LRRC8D: variants seen among roughly 807,000 people sequenced by gnomAD.
LRRC8D encodes the protein leucine rich repeat containing 8 VRAC subunit D.
Under a neutral mutation model 55.8 loss-of-function variants are expected in LRRC8D, and 20 were observed. The observed-to-expected ratio is 0.36, with a 90% confidence interval of 0.25 to 0.52. LRRC8D has a LOEUF of 0.52. LRRC8D is among the 20% of genes least tolerant of loss of function. The probability of loss-of-function intolerance (pLI) is 0.93; values close to 1 mark genes in which losing one functional copy is unlikely to be tolerated. For synonymous variants in LRRC8D, 352 were observed against 377.0 expected, an observed-to-expected ratio of 0.93 and a Z score of 0.77; for missense variants, 651 against 1,030.8, an observed-to-expected ratio of 0.63 and a Z score of 5.05.
chr1:89,841,396 A>AC (rs56089566), intron 1 of LRRC8D, among the ~76,000 whole-genome samples: 87,781 of 144,314 alleles, frequency 0.61, 26,727 homozygotes, highest in East Asian at 0.81. Context: ...TGTCAAGACC[A>AC]CCCCCCCCCT....
At chr1:89,828,794 ATAGT>A (rs1660820851) in intron 1 of LRRC8D, among the ~76,000 whole-genome samples, 1 of 151,856 alleles carries the variant, frequency 6.6e-6, no homozygotes, top group Admixed American at 6.6e-5. Context: ...CTTGCTGGTA[ATAGT>A]TAGGAACATT....
intron 2 of LRRC8D, among the ~76,000 whole-genome samples, chr1:89,896,076 T>A (rs1662703066): frequency 1.3e-5 from 2 of 152,238 alleles, no homozygotes; most frequent in Non-Finnish European, 2.9e-5. Context: ...ATACATGAGT[T>A]TTAGGTTTCC....
At chr1:89,862,418 A>G (rs933425451) in intron 2 of LRRC8D, among the ~76,000 whole-genome samples, 1 of 152,194 alleles carries the variant, frequency 6.6e-6, no homozygotes, top group African/African-American at 2.4e-5. Context: ...TGTTCTTCAT[A>G]AGAGATCCGT....
intron 2 of LRRC8D, among the ~76,000 whole-genome samples, chr1:89,869,231 T>C (rs1159421437): frequency 6.6e-6 from 1 of 152,108 alleles, no homozygotes; most frequent in Non-Finnish European, 1.5e-5. Flanking sequence ...TTGACTGAGA[T>C]TTTGTGATTG....
At position 89,880,114 on chromosome 1, in the gene LRRC8D, C is replaced by A. The variant is rs184605736; in HGVS notation, c.-3+36332C>A. 7.7e-4 allele frequency among the ~76,000 whole-genome samples: 117 copies of A among 151,012 alleles called. 1 individual carries two copies. Among genetic ancestry groups the A allele is most frequent in the African/African-American group, 2.7e-3 (109 of 41,076 alleles). ...GTCTCTACGACGTTTGGTACTGTTA[C>A]CCTCATATTACTGATTGGAAATTGG... On this transcript the variant is annotated intron_variant, in intron 2 of 2. Transcript: ENST00000337338.
chr1:89,935,689 A>T lies in LRRC8D; in HGVS notation c.*44A>T. 6.4e-7 allele frequency: 1 copy of T among 1,551,506 alleles called. No homozygotes were observed. Among genetic ancestry groups the T allele is most frequent in the Non-Finnish European group, 8.8e-7 (1 of 1,132,348 alleles). Reference sequence around the variant, plus strand: ...CAGTGATGTGCAGGAACAACTTCCTAGATTGCAAGTGCTCACGTACAAGTT... The same window carrying T: ...CAGTGATGTGCAGGAACAACTTCCTTGATTGCAAGTGCTCACGTACAAGTT... On this transcript the variant is annotated 3_prime_UTR_variant, in exon 3 of 3. Transcript: ENST00000337338.
chr1:89,865,214 G>A (rs1186824704), intron 2 of LRRC8D, among the ~76,000 whole-genome samples: 1 of 151,814 alleles, frequency 6.6e-6, no homozygotes, highest in Non-Finnish European at 1.5e-5. Flanking sequence ...ATTATTACTT[G>A]TAGTAGTGCT....
chr1:89,831,500 T>TG (rs1244775424), intron 1 of LRRC8D, among the ~76,000 whole-genome samples: 1 of 151,982 alleles, frequency 6.6e-6, no homozygotes, highest in African/African-American at 2.4e-5. Flanking sequence ...AAGAGCCACT[T>TG]GGAGTTGAGT....
At chr1:89,823,638 T>A (rs1195405050) in intron 1 of LRRC8D, among the ~76,000 whole-genome samples, 2 of 152,216 alleles carry the variant, frequency 1.3e-5, no homozygotes, top group African/African-American at 4.8e-5. Context: ...TGTTTGACAT[T>A]CTAAGAAACA....
chr1:89,865,057 C>G (rs1040244889), intron 2 of LRRC8D, among the ~76,000 whole-genome samples: 1 of 152,128 alleles, frequency 6.6e-6, no homozygotes, highest in Non-Finnish European at 1.5e-5. Context: ...CAACATTTCA[C>G]TTATTACATT....
chr1:89,847,181 C>T (rs1456241934), intron 2 of LRRC8D, among the ~76,000 whole-genome samples: 1 of 152,100 alleles, frequency 6.6e-6, no homozygotes, highest in African/African-American at 2.4e-5. Flanking sequence ...TAATGTTGCA[C>T]CATTAACTAA....
intron 2 of LRRC8D, among the ~76,000 whole-genome samples, chr1:89,898,832 G>A (rs1190965119): frequency 6.6e-6 from 1 of 152,196 alleles, no homozygotes; most frequent in East Asian, 1.9e-4. Context: ...TGTGCAGAAA[G>A]GGCTGGAAAA....
intron 2 of LRRC8D, among the ~76,000 whole-genome samples, chr1:89,919,186 A>G (rs1476364541): frequency 2.0e-5 from 3 of 152,168 alleles, no homozygotes; most frequent in Non-Finnish European, 2.9e-5. Context: ...CTACCTATCC[A>G]AGGATTAGAA....
chr1:89,900,510 A>T (rs1662823357), intron 2 of LRRC8D, among the ~76,000 whole-genome samples: 2 of 149,724 alleles, frequency 1.3e-5, no homozygotes, highest in Admixed American at 1.3e-4. Flanking sequence ...ATTTATGTCC[A>T]TCATAAAAAA....
Position 89,933,566 on chromosome 1 carries a change from A to G in LRRC8D, c.498A>G (p.Pro166=), listed in dbSNP as rs755426095. 3 of 1,614,180 alleles carry G rather than the reference A, an allele frequency of 1.9e-6. No individual in the cohort carries two copies. The highest frequency in any genetic ancestry group is 2.5e-6 in the Non-Finnish European group (3 of 1,180,020). ...LALPWYSKYF[P]YLALIHTIIL... Reference sequence around the variant, plus strand: ...TTCCGTGGTATTCTAAGTACTTTCCATACCTAGCTCTTATACATACTATTA... The same window carrying G: ...TTCCGTGGTATTCTAAGTACTTTCCGTACCTAGCTCTTATACATACTATTA... The change falls in exon 3 of 3, where the codon CCA becomes CCG. Residue 166 remains proline, a synonymous_variant. Coordinates refer to ENST00000337338, the MANE Select transcript of LRRC8D (RefSeq NM_001134479.2). The surrounding 1 kb of genome is among the most constrained non-coding windows in gnomAD (Gnocchi z 7.0).
At chr1:89,903,438 AAAATT>A in intron 2 of LRRC8D, among the ~76,000 whole-genome samples, 1 of 152,310 alleles carries the variant, frequency 6.6e-6, no homozygotes, top group East Asian at 1.9e-4. Context: ...GTATGTGATC[AAAATT>A]AAAGTTGTCT....
chr1:89,919,916 A>G (rs1313092083), intron 2 of LRRC8D, among the ~76,000 whole-genome samples: 4 of 152,220 alleles, frequency 2.6e-5, no homozygotes, highest in African/African-American at 9.6e-5. Context: ...TGGGGTCTAT[A>G]GATACTGAAG....
chr1:89,828,156 C>T (rs1010223133), intron 1 of LRRC8D, among the ~76,000 whole-genome samples: 1 of 152,150 alleles, frequency 6.6e-6, no homozygotes, highest in African/African-American at 2.4e-5. Context: ...GGCCAGCAAG[C>T]CCATCATTGG....
intron 1 of LRRC8D, among the ~76,000 whole-genome samples, chr1:89,824,013 A>G (rs1172775812): frequency 6.6e-6 from 1 of 152,180 alleles, no homozygotes; most frequent in Non-Finnish European, 1.5e-5. Context: ...GGCTCTCAGA[A>G]GTAGGCAATT....
Sources: allele counts gnomAD v4.1 joint callset (sites outside exome capture counted in the v4.1 genomes callset), GRCh38; gene constraint gnomAD v4.1.1; non-coding constraint Gnocchi (gnomAD v3.1); transcripts MANE v1.5; gene names NCBI Gene and HGNC (gene_info 2026-07-23, HGNC 2026-07-21).